The following ADAMTSL2 variants were observed in gnomAD, a reference collection of about 807,000 sequenced individuals.
The protein encoded by ADAMTSL2 is ADAMTS-like protein 2.
Under a neutral mutation model 117.0 loss-of-function variants are expected in ADAMTSL2, and 55 were observed. That is an observed-to-expected ratio of 0.47 (90% CI 0.38 to 0.59). The LOEUF is 0.59. Among genes scored for constraint, ADAMTSL2 ranks in the 20% least tolerant of loss-of-function variants. The pLI is 0.00. For synonymous variants in ADAMTSL2, 572 were observed against 566.4 expected (o/e 1.01, Z -0.14); for missense variants, 1,182 against 1,354.5 (o/e 0.87, Z 2.00).
intron 14 of ADAMTSL2, 57 bp downstream of exon 14, chr9:133,568,543 G>C (rs1446636366): frequency 6.4e-7 from 1 of 1,563,930 alleles, no homozygotes; most frequent in East Asian, 2.4e-5. Flanking sequence ...CTGGGCTTGG[G>C]AGATGGAGGT....
intron 7 of ADAMTSL2, among the ~76,000 whole-genome samples, chr9:133,541,301 T>G (rs1436781220): frequency 6.6e-6 from 1 of 151,830 alleles, no homozygotes. Context: ...CCTTTTTTTT[T>G]TTTTTGAGAC....
chr9:133,564,580 GA>G (rs1340470436), intron 12 of ADAMTSL2, among the ~76,000 whole-genome samples: 92 of 93,584 alleles, frequency 9.8e-4, no homozygotes, highest in Non-Finnish European at 1.1e-3. Context: ...GAGGGAGAGA[GA>G]AGGAGAGAGA....
intron 7 of ADAMTSL2, 67 bp downstream of exon 7, chr9:133,541,068 T>C (rs1253988882): frequency 1.7e-5 from 27 of 1,566,132 alleles, no homozygotes; most frequent in Non-Finnish European, 2.2e-5. Flanking sequence ...CTGAGTGTGC[T>C]CCTGTCTGCA....
At chr9:133,534,059 C>G (rs575669879), upstream of ADAMTSL2, among the ~76,000 whole-genome samples, 26 of 152,350 alleles carry the variant, frequency 1.7e-4, no homozygotes, top group Admixed American at 1.6e-3. Context: ...CAGGGGCTGC[C>G]AAGTTGGTGC....
intron 11 of ADAMTSL2, among the ~76,000 whole-genome samples, chr9:133,556,821 G>T (rs1041497324): frequency 4.6e-5 from 7 of 152,222 alleles, no homozygotes; most frequent in African/African-American, 7.2e-5. Flanking sequence ...GGTGACCCCA[G>T]ACCTGTCGTG....
At chr9:133,536,460 C>T in intron 1 of ADAMTSL2, 103 bp from the exon 2 acceptor site, 1 of 1,450,098 alleles carries the variant, frequency 6.9e-7, no homozygotes, top group Non-Finnish European at 9.2e-7. Context: ...TTAGCACGCA[C>T]ACCGCCGCTG....
In ADAMTSL2 at chr9:133,554,533, C is replaced by A; in HGVS notation, c.1116C>A (p.Gly372=). 1 of 1,549,438 alleles carries A rather than the reference C, an allele frequency of 6.5e-7. No individual in the cohort carries two copies. The highest frequency in any genetic ancestry group is 8.7e-7 in the Non-Finnish European group (1 of 1,147,202). Reference sequence around the variant, plus strand: ...TCCCGCACAACGGCTCCCTCTACGGCCAGGCCTCCTCAGAGCGGCTGGGCC... The same window carrying A: ...TCCCGCACAACGGCTCCCTCTACGGACAGGCCTCCTCAGAGCGGCTGGGCC... ...GFVPHNGSLY[G]QASSERLGLD... Residue 372 remains glycine (G), a synonymous_variant, in exon 10 of 19, where the codon GGC becomes GGA. Transcript: ENST00000651351. This position sits in a 1 kb window ranked among gnomAD's most constrained non-coding sequence, Gnocchi z 5.2.
chr9:133,571,602 G>T (rs990523052), intron 17 of ADAMTSL2, among the ~76,000 whole-genome samples: 6 of 152,146 alleles, frequency 3.9e-5, no homozygotes, highest in Admixed American at 6.5e-5. Context: ...TGCCTTCTGG[G>T]CCCCACGGAG....
At position 133,567,054 on chromosome 9, in the gene ADAMTSL2, C is replaced by A; in HGVS notation, c.1866C>A (p.Cys622Ter). ...PVHEFCAGRE[C>*]QPRWETSSWS... ...ACGAGTTCTGCGCTGGGAGGGAGTG[C>A]CAGCCCAGGTACCTGCCACCAGGGG... Residue 622 changes from cysteine to a stop codon, truncating the protein, a stop_gained, in exon 13 of 19, where the codon TGC becomes TGA. Coordinates refer to ENST00000651351, the MANE Select transcript of ADAMTSL2 (RefSeq NM_014694.4). LOFTEE classifies it high-confidence loss of function. 1 of 1,607,680 alleles carries A rather than the reference C, an allele frequency of 6.2e-7. No individual in the cohort carries two copies. Among genetic ancestry groups the A allele is most frequent in the Non-Finnish European group, 8.5e-7 (1 of 1,179,402 alleles).
intron 12 of ADAMTSL2, among the ~76,000 whole-genome samples, chr9:133,564,967 G>A (rs992818337): frequency 6.6e-6 from 1 of 152,120 alleles, no homozygotes; most frequent in African/African-American, 2.4e-5. Context: ...GGCCGCGGTG[G>A]GGAAGCTTGT....
At position 133,568,730 on chromosome 9, in the gene ADAMTSL2, G is replaced by A. The variant is rs1178409619; in HGVS notation, c.2216G>A (p.Arg739Gln). The A allele has an allele frequency of 2.9e-5, 47 of 1,613,052 alleles. No homozygotes were observed. Among genetic ancestry groups the A allele is most frequent in the Non-Finnish European group, 3.8e-5 (45 of 1,180,000 alleles). ...AACTGCACGGGCCCGCCCTGTGACC[G>A]GCAGTGGACCGTCTCCGACTGGGGA... ...EKNCTGPPCD[R>Q]QWTVSDWGPC... is the part of the protein sequence containing the mutation. Residue 739 changes from arginine to glutamine, a missense_variant, in exon 15 of 19, where the codon CGG (arginine) becomes CAG (glutamine). Transcript: ENST00000651351.
At chr9:133,544,367 TAGAC>T (rs1259881352) in intron 7 of ADAMTSL2, 99 bp from the exon 8 acceptor site, 68 of 996,286 alleles carry the variant, frequency 6.8e-5, no homozygotes, top group Middle Eastern at 4.3e-4. Context: ...GGCCAGCCCT[TAGAC>T]AGCCACCGCT....
At chr9:133,534,986 G>A (rs1165357328) in intron 1 of ADAMTSL2, 69 bp downstream of exon 1, 1 of 1,325,800 alleles carries the variant, frequency 7.5e-7, no homozygotes, top group Non-Finnish European at 9.6e-7. Context: ...CTCAGAGTGG[G>A]GCTGGGGGTA....
intron 12 of ADAMTSL2, among the ~76,000 whole-genome samples, chr9:133,564,323 GGA>G (rs367560307): frequency 2.1e-4 from 4 of 18,738 alleles, no homozygotes; most frequent in Non-Finnish European, 3.1e-4. Flanking sequence ...AAAGAGAGAG[GGA>G]GAGAGAGAAA....
intron 12 of ADAMTSL2, among the ~76,000 whole-genome samples, chr9:133,563,596 C>T (rs754862519): frequency 3.2e-4 from 48 of 152,058 alleles, no homozygotes; most frequent in Non-Finnish European, 6.5e-4. Context: ...TGGAAGATGT[C>T]CCCAGGGAGG....
At position 133,564,005 on chromosome 9, in the gene ADAMTSL2, GGAGA is replaced by G. The variant is rs576800784; in HGVS notation, c.1747+2727_1747+2730del. Among the ~76,000 whole-genome samples the G allele has an allele frequency of 2.1e-3, 20 of 9,422 alleles. 2 individuals carry two copies. Among genetic ancestry groups the G allele is most frequent in the African/African-American group, 0.013 (17 of 1,282 alleles). 6.2% of individuals were successfully genotyped at this position (9,422 alleles called of 152,430 possible). A position where few individuals can be genotyped will look rare whatever the true frequency, so the allele number is the denominator to read the frequency against. On this transcript the variant is annotated intron_variant, in intron 12 of 18. Coordinates refer to ENST00000651351, the MANE Select transcript of ADAMTSL2 (RefSeq NM_014694.4). ...AGAGAGAGGGAGAGAGAGAGAGAAG[GGAGA>G]GAGAGAGAGAGAGAGAAAGGGGGAG...
At position 133,563,454 on chromosome 9, in the gene ADAMTSL2, C is replaced by T. The variant is rs1175117427; in HGVS notation, c.1747+2159C>T. On this transcript the variant is annotated intron_variant, in intron 12 of 18. Transcript: ENST00000651351. ...TGTCAGTAAGTGTCAAGCCTGTGGG[C>T]GTTGTCACTAAGTGTCTGCAAACAT... 4.1e-5 allele frequency among the ~76,000 whole-genome samples: 6 copies of T among 146,874 alleles called. No individual in the cohort carries two copies. The East Asian group carries it at 1.2e-3, about 28-fold the overall frequency.
In ADAMTSL2 at chr9:133,566,910, C is replaced by T. The variant is rs1029538584; in HGVS notation, c.1748-26C>T. 7.9e-5 allele frequency: 126 copies of T among 1,596,946 alleles called. 3 individuals are homozygous for T. In the South Asian group the frequency reaches 1.4e-3, roughly 18 times the overall value. On this transcript the variant is annotated intron_variant, in intron 12 of 18. Transcript: ENST00000651351. ...GGCTCCAAGGTGCCGGCATGGCTCA[C>T]AGACCCACCCCTGTCCCCAACCCAG...
At position 133,547,229 on chromosome 9, in the gene ADAMTSL2, GCCTTGGGGGCCC is replaced by G; in HGVS notation, c.939+18_939+29del. 3 of 1,607,740 alleles carry G rather than the reference GCCTTGGGGGCCC, an allele frequency of 1.9e-6. No homozygotes were observed. The highest frequency in any genetic ancestry group is 2.6e-6 in the Non-Finnish European group (3 of 1,176,272). On this transcript the variant is annotated intron_variant, in intron 9 of 18. Coordinates refer to ENST00000651351, the MANE Select transcript of ADAMTSL2 (RefSeq NM_014694.4). ...GAATGTCATGGTACGTGTGCCGCAG[GCCTTGGGGGCCC>G]CAGGGGCCCTGGGCACTGTTTCCCC...
Sources: allele counts gnomAD v4.1 joint callset (sites outside exome capture counted in the v4.1 genomes callset), GRCh38; gene constraint gnomAD v4.1.1; non-coding constraint Gnocchi (gnomAD v3.1); transcripts MANE v1.5; gene names NCBI Gene and HGNC (gene_info 2026-07-23, HGNC 2026-07-21).